RYR2: variants seen among roughly 807,000 people sequenced by gnomAD.
RYR2 encodes ryanodine receptor 2, also known as cardiac muscle ryanodine receptor-calcium release channel.
RYR2 carries 227 observed loss-of-function variants against 601.1 expected under a neutral mutation model. That is an observed-to-expected ratio of 0.38 (90% CI 0.34 to 0.42). The LOEUF is 0.42. Among genes scored for constraint, RYR2 ranks in the 10% least tolerant of loss-of-function variants. RYR2 has a pLI of 1.00. For missense variants in RYR2, 4,646 were observed against 6,156.5 expected, an observed-to-expected ratio of 0.75 and a Z score of 8.21; for synonymous variants, 2,223 against 2,175.1, an observed-to-expected ratio of 1.02 and a Z score of -0.61.
intron 1 of RYR2, among the ~76,000 whole-genome samples, chr1:237,075,184 T>C (rs1038266956): frequency 2.0e-5 from 3 of 151,106 alleles, no homozygotes; most frequent in Admixed American, 6.6e-5. Flanking sequence ...ATTTTCTGCC[T>C]TTTTTTTTGG....
chr1:237,203,018 C>T (rs1341788258), intron 1 of RYR2, among the ~76,000 whole-genome samples: 1 of 152,114 alleles, frequency 6.6e-6, no homozygotes, highest in Non-Finnish European at 1.5e-5. Flanking sequence ...GGCAGAGGCC[C>T]AGACATGCTG....
Position 237,617,845 on chromosome 1 carries a change from G to T in RYR2, c.5916+359G>T, listed in dbSNP as rs1678644500. 2.6e-5 allele frequency among the ~76,000 whole-genome samples: 4 copies of T among 152,080 alleles called. No individual in the cohort carries two copies. The South Asian group carries it at 8.3e-4, about 32-fold the overall frequency. The stretch of plus-strand genomic sequence containing the variant: ...TCGATGCTAGAGGCTTTCCATTTGT[G>T]CCTACCATAGAAGAAACACATGTCT... On this transcript the variant is annotated intron_variant, in intron 38 of 104. Transcript: ENST00000366574.
At chr1:237,664,378 C>T (rs1684094621) in intron 56 of RYR2, among the ~76,000 whole-genome samples, 4 of 152,158 alleles carry the variant, frequency 2.6e-5, no homozygotes, top group Admixed American at 2.6e-4. Flanking sequence ...AGCTTACATT[C>T]TAATGGGGGA....
chr1:237,135,376 C>CT (rs558558722), intron 1 of RYR2, among the ~76,000 whole-genome samples: 1,849 of 143,724 alleles, frequency 0.013, 16 homozygotes, highest in South Asian at 0.032. Flanking sequence ...TTTTATTTTT[C>CT]TTTTTTTTTT....
intron 84 of RYR2, among the ~76,000 whole-genome samples, chr1:237,768,006 G>C (rs561023033): frequency 1.1e-4 from 17 of 152,150 alleles, no homozygotes; most frequent in Non-Finnish European, 2.5e-4. Flanking sequence ...ACCTGATAAA[G>C]AGAATGTTAG....
At chr1:237,746,608 CCT>C (rs978259160) in intron 80 of RYR2, among the ~76,000 whole-genome samples, 2 of 151,856 alleles carry the variant, frequency 1.3e-5, no homozygotes, top group African/African-American at 4.8e-5. Context: ...TACAAAATTC[CCT>C]GTTTCATCTG....
At chr1:237,484,424 C>T (rs1662457022) in intron 17 of RYR2, among the ~76,000 whole-genome samples, 1 of 152,202 alleles carries the variant, frequency 6.6e-6, no homozygotes, top group African/African-American at 2.4e-5. Flanking sequence ...CTGCAGTGAT[C>T]ATGGGAGCAC....
intron 1 of RYR2, among the ~76,000 whole-genome samples, chr1:237,071,576 C>T (rs1664325370): frequency 6.6e-6 from 1 of 152,076 alleles, no homozygotes; most frequent in South Asian, 2.1e-4. Context: ...CTGATGGGTC[C>T]ACGGTCGGCC....
At chr1:237,766,256 T>G (rs2253083) in intron 84 of RYR2, among the ~76,000 whole-genome samples, 15,651 of 152,222 alleles carry the variant, frequency 0.1, 1,205 homozygotes, top group African/African-American at 0.21. Flanking sequence ...ACTATGTGTA[T>G]TGTTAAATGA....
rs536062975 is a variant in RYR2 at position 237,177,197 on chromosome 1, C to T, written c.49-93300C>T. On this transcript the variant is annotated intron_variant, in intron 1 of 104. Transcript: ENST00000366574. ...TCCTCCTTCTGGACTGGCTACTACA[C>T]GATCAAGTCAACTGTCTGCTTTGGA... Among the ~76,000 whole-genome samples, 7 of 152,238 alleles carry T rather than the reference C, an allele frequency of 4.6e-5. No individual in the cohort carries two copies. The East Asian group carries it at 7.7e-4, about 17-fold the overall frequency.
intron 1 of RYR2, among the ~76,000 whole-genome samples, chr1:237,059,550 A>G (rs1455899822): frequency 6.6e-6 from 1 of 152,138 alleles, no homozygotes; most frequent in African/African-American, 2.4e-5. Flanking sequence ...GGGAAAAATT[A>G]TTGCTGAAGT....
chr1:237,458,257 G>T lies in RYR2; in HGVS notation c.1612+1522G>T, dbSNP rs1229406606. Reference sequence around the variant, plus strand: ...AGCCTGACCAACATAGTGAAACCCTGTCTCTACTAAAAATACAAAAAATTA... The same window carrying T: ...AGCCTGACCAACATAGTGAAACCCTTTCTCTACTAAAAATACAAAAAATTA... On this transcript the variant is annotated intron_variant, in intron 16 of 104. Coordinates refer to ENST00000366574, the MANE Select transcript of RYR2 (RefSeq NM_001035.3). 3.3e-5 allele frequency among the ~76,000 whole-genome samples: 5 copies of T among 152,032 alleles called. No individual in the cohort carries two copies. The East Asian group carries it at 9.6e-4, about 29-fold the overall frequency.
intron 58 of RYR2, among the ~76,000 whole-genome samples, chr1:237,672,927 T>C (rs551740489): frequency 6.6e-6 from 1 of 152,298 alleles, no homozygotes; most frequent in East Asian, 1.9e-4. Context: ...CCTAATGGTA[T>C]TAAAGTTCAG....
intron 31 of RYR2, among the ~76,000 whole-genome samples, chr1:237,591,415 T>C (rs1224661909): frequency 6.6e-6 from 1 of 152,102 alleles, no homozygotes; most frequent in East Asian, 1.9e-4. Flanking sequence ...GGCGGCAAGT[T>C]ATTTTAACAT....
chr1:237,781,886 C>A (rs1695144034), intron 89 of RYR2, among the ~76,000 whole-genome samples: 1 of 152,042 alleles, frequency 6.6e-6, no homozygotes, highest in Non-Finnish European at 1.5e-5. Flanking sequence ...CAGTACTTTT[C>A]ATTTCATAGT....
chr1:237,096,674 G>GA (rs1433285261), intron 1 of RYR2, among the ~76,000 whole-genome samples: 1 of 152,188 alleles, frequency 6.6e-6, no homozygotes, highest in Admixed American at 6.5e-5. Flanking sequence ...TTAACCTTCA[G>GA]AAAAAAATTT....
intron 8 of RYR2, among the ~76,000 whole-genome samples, chr1:237,380,366 A>G (rs1701368124): frequency 2.4e-4 from 1 of 4,200 alleles, no homozygotes; most frequent in Non-Finnish European, 4.6e-4. Context: ...ACAAATATAT[A>G]TATATATATA....
chr1:237,249,402 TC>T (rs1421510679), intron 1 of RYR2, among the ~76,000 whole-genome samples: 1 of 150,614 alleles, frequency 6.6e-6, no homozygotes. Context: ...GTTCATGACC[TC>T]TGGTGCTACT....
At chr1:237,557,400 A>G (rs1336181125) in intron 27 of RYR2, among the ~76,000 whole-genome samples, 1 of 152,180 alleles carries the variant, frequency 6.6e-6, no homozygotes. Context: ...AGCTAAGTCA[A>G]TCGGGTTCAT....
Sources: allele counts gnomAD v4.1 joint callset (sites outside exome capture counted in the v4.1 genomes callset), GRCh38; gene constraint gnomAD v4.1.1; transcripts MANE v1.5; gene names NCBI Gene and HGNC (gene_info 2026-07-23, HGNC 2026-07-21).